Variants in REC114 observed in about 807,000 individuals in gnomAD.
The protein encoded by REC114 is REC114 meiotic recombination protein, also known as meiotic recombination protein REC114.
In REC114, 27 loss-of-function variants were observed where a neutral mutation model predicts 31.3. The observed-to-expected ratio is 0.86, with a 90% CI of 0.64 to 1.19. The LOEUF (loss-of-function observed/expected upper bound fraction) is 1.19, where lower values mean the gene tolerates loss of function less well. Among genes scored for constraint, REC114 ranks in the 50% most tolerant of loss-of-function variants. The pLI, the probability that REC114 is intolerant of heterozygous loss-of-function variation, is 0.00. For synonymous variants in REC114, 134 were observed against 127.7 expected (o/e 1.05, Z -0.33); for missense variants, 344 against 326.9 (o/e 1.05, Z -0.40).
At chr15:73,534,184 A>G (rs1306863380) in intron 2 of REC114, among the ~76,000 whole-genome samples, 3 of 151,742 alleles carry the variant, frequency 2.0e-5, no homozygotes, top group African/African-American at 7.3e-5. Context: ...AAATAACTAA[A>G]ATCAGAGCAG....
At chr15:73,463,610 C>T (rs1893018380) in intron 1 of REC114, among the ~76,000 whole-genome samples, 1 of 152,134 alleles carries the variant, frequency 6.6e-6, no homozygotes, top group South Asian at 2.1e-4. Flanking sequence ...CACTTGAGGT[C>T]AAGAATTTGA....
chr15:73,448,610 G>A (rs1892800676), intron 1 of REC114, among the ~76,000 whole-genome samples: 1 of 152,238 alleles, frequency 6.6e-6, no homozygotes, highest in Admixed American at 6.5e-5. Context: ...CAGCTCTGAA[G>A]AGAGCAGTGG....
chr15:73,488,524 A>G (rs1893403217), intron 2 of REC114, among the ~76,000 whole-genome samples: 1 of 152,226 alleles, frequency 6.6e-6, no homozygotes, highest in Non-Finnish European at 1.5e-5. Flanking sequence ...GATTTCTTCT[A>G]CTAAATATTC....
intron 1 of REC114, among the ~76,000 whole-genome samples, chr15:73,466,223 T>G (rs1229176940): frequency 6.6e-6 from 1 of 152,134 alleles, no homozygotes; most frequent in East Asian, 1.9e-4. Flanking sequence ...TTTATGAAAT[T>G]GTTCATTAAC....
At position 73,542,014 on chromosome 15, in the gene REC114, C is replaced by A. The variant is rs1224850148; in HGVS notation, c.333+1446C>A. 3.3e-5 allele frequency among the ~76,000 whole-genome samples: 5 copies of A among 151,982 alleles called. No homozygotes were observed. The East Asian group carries it at 9.7e-4, about 29-fold the overall frequency. ...AATCAGCTATAATGGCCTAAAAAAC[C>A]AGATTTCTTTTTTTTTCACTTAAAA... On this transcript the variant is annotated intron_variant, in intron 3 of 5. Coordinates refer to ENST00000331090, the MANE Select transcript of REC114 (RefSeq NM_001042367.2).
At chr15:73,527,051 A>G (rs1030858664) in intron 2 of REC114, among the ~76,000 whole-genome samples, 2 of 152,076 alleles carry the variant, frequency 1.3e-5, no homozygotes, top group African/African-American at 4.8e-5. Flanking sequence ...GCCTCAAGCA[A>G]TCCTCCCATC....
chr15:73,481,650 CTTTTTTTTT>C (rs530704232), intron 2 of REC114, among the ~76,000 whole-genome samples: 10 of 114,060 alleles, frequency 8.8e-5, no homozygotes, highest in African/African-American at 2.2e-4. Flanking sequence ...TCTTAACTCC[CTTTTTTTTT>C]TTTTTTTTTT....
intron 2 of REC114, among the ~76,000 whole-genome samples, chr15:73,478,640 T>A (rs1467456970): frequency 6.6e-6 from 1 of 152,210 alleles, no homozygotes; most frequent in African/African-American, 2.4e-5. Context: ...ATGGGACTGA[T>A]TTGAATCTAT....
intron 5 of REC114, among the ~76,000 whole-genome samples, chr15:73,558,473 G>A (rs915919882): frequency 1.3e-5 from 2 of 152,078 alleles, no homozygotes; most frequent in African/African-American, 4.8e-5. Flanking sequence ...ATATTTAAAC[G>A]TTGACAACTT....
chr15:73,512,899 T>C (rs1458475391), intron 2 of REC114, among the ~76,000 whole-genome samples: 2 of 151,640 alleles, frequency 1.3e-5, no homozygotes, highest in African/African-American at 2.4e-5. Context: ...ATTTCAACTT[T>C]GGTGAATCTG....
At chr15:73,520,989 T>G (rs532791914) in intron 2 of REC114, among the ~76,000 whole-genome samples, 1 of 152,292 alleles carries the variant, frequency 6.6e-6, no homozygotes, top group Non-Finnish European at 1.5e-5. Context: ...CAGATATGAT[T>G]CACAAGACAG....
chr15:73,474,786 G>T (rs751244195), intron 2 of REC114, among the ~76,000 whole-genome samples: 5 of 152,138 alleles, frequency 3.3e-5, no homozygotes, highest in Admixed American at 1.3e-4. Context: ...ACATTTAAAA[G>T]ACATTAATTC....
intron 2 of REC114, among the ~76,000 whole-genome samples, chr15:73,490,467 G>A (rs1425005097): frequency 6.6e-6 from 1 of 152,186 alleles, no homozygotes; most frequent in Non-Finnish European, 1.5e-5. Flanking sequence ...CCAGTGCTTT[G>A]GGAGGGTGAG....
chr15:73,529,472 T>C (rs1436583593), intron 2 of REC114, among the ~76,000 whole-genome samples: 1 of 152,136 alleles, frequency 6.6e-6, no homozygotes. Flanking sequence ...TTCTGAAATA[T>C]ATACAGATAC....
chr15:73,444,298 G>A (rs1892737806), intron 1 of REC114, among the ~76,000 whole-genome samples: 1 of 152,174 alleles, frequency 6.6e-6, no homozygotes, highest in Non-Finnish European at 1.5e-5. Flanking sequence ...GCTGTTTAAT[G>A]GCATTTTTAC....
At chr15:73,549,643 G>A (rs1438591855) in intron 3 of REC114, among the ~76,000 whole-genome samples, 3 of 151,994 alleles carry the variant, frequency 2.0e-5, no homozygotes, top group Non-Finnish European at 2.9e-5. Context: ...ATATACATGA[G>A]TGTTTGTATA....
At chr15:73,509,204 A>T (rs1186637414) in intron 2 of REC114, among the ~76,000 whole-genome samples, 1 of 151,858 alleles carries the variant, frequency 6.6e-6, no homozygotes, top group African/African-American at 2.4e-5. Flanking sequence ...AGTGATGATG[A>T]GCATTTTTTC....
At chr15:73,538,041 C>A (rs1894182372) in intron 2 of REC114, among the ~76,000 whole-genome samples, 1 of 152,126 alleles carries the variant, frequency 6.6e-6, no homozygotes, top group South Asian at 2.1e-4. Flanking sequence ...CAGTAGGAGT[C>A]ATATGTGGCT....
chr15:73,473,417 A>C (rs944153684), intron 1 of REC114, among the ~76,000 whole-genome samples: 2 of 151,970 alleles, frequency 1.3e-5, no homozygotes, highest in Non-Finnish European at 2.9e-5. Flanking sequence ...GAAAAGAAAA[A>C]TGGATTACAT....
Sources: allele counts gnomAD v4.1 joint callset (sites outside exome capture counted in the v4.1 genomes callset), GRCh38; gene constraint gnomAD v4.1.1; transcripts MANE v1.5; gene names NCBI Gene and HGNC (gene_info 2026-07-23, HGNC 2026-07-21).